Variants in ZFYVE21 observed in about 807,000 individuals in gnomAD.
ZFYVE21 encodes the protein zinc finger FYVE-type containing 21, also known as zinc finger FYVE domain-containing protein 21.
A neutral mutation model predicts 29.5 loss-of-function variants in ZFYVE21; 21 were observed. That is an observed-to-expected ratio of 0.71 (90% confidence interval 0.50 to 1.02). The LOEUF is 1.02. Ranked by LOEUF, ZFYVE21 falls within the 50% of genes least tolerant of loss-of-function variation. ZFYVE21 has a pLI of 0.00. For synonymous variants in ZFYVE21, 151 were observed against 133.8 expected (o/e 1.13, Z -0.89); for missense variants, 326 against 335.4 (o/e 0.97, Z 0.22).
At position 103,715,990 on chromosome 14, in the gene ZFYVE21, G is replaced by A. The variant is rs1353632257; in HGVS notation, c.138+11G>A. On this transcript the variant is annotated intron_variant, in intron 1 of 6. Transcript: ENST00000311141. ...GTCCCGGACAAGGAGGTGGGTGGCC[G>A]TCGCCCCGGCCAGCGCCTCCGACCC... 5.6e-6 allele frequency: 7 copies of A among 1,255,788 alleles called. No homozygotes were observed. Among genetic ancestry groups the A allele is most frequent in the Non-Finnish European group, 6.1e-6 (6 of 990,126 alleles). 77.8% of individuals were successfully genotyped at this position (1,255,788 alleles called of 1,614,324 possible).
chr14:103,722,616 G>A (rs555641508), intron 1 of ZFYVE21, among the ~76,000 whole-genome samples: 11 of 152,156 alleles, frequency 7.2e-5, no homozygotes, highest in South Asian at 4.1e-4. Flanking sequence ...TCAGGAGATC[G>A]AGATCATCCT....
chr14:103,718,011 G>T (rs932896826), intron 1 of ZFYVE21, among the ~76,000 whole-genome samples: 1 of 152,222 alleles, frequency 6.6e-6, no homozygotes, highest in African/African-American at 2.4e-5. Context: ...GGCATGTGGT[G>T]ATGCTGAAGG....
intron 1 of ZFYVE21, among the ~76,000 whole-genome samples, chr14:103,719,554 G>A (rs1309154495): frequency 1.3e-5 from 2 of 151,974 alleles, no homozygotes; most frequent in African/African-American, 4.8e-5. Context: ...GGAATTTGGA[G>A]GGCCTTGCTG....
chr14:103,726,919 G>C (rs1452206111), intron 2 of ZFYVE21, 77 bp downstream of exon 2: 4 of 1,491,342 alleles, frequency 2.7e-6, no homozygotes, highest in East Asian at 2.3e-5. Flanking sequence ...TGCCCCTTCT[G>C]GCAGGGGACG....
rs535461350 is a variant in ZFYVE21, at chr14:103,716,975, T to G, written c.138+996T>G. 3.3e-5 allele frequency among the ~76,000 whole-genome samples: 5 copies of G among 152,120 alleles called. No homozygotes were observed. In the South Asian group the frequency reaches 8.3e-4, roughly 25 times the overall value. On this transcript the variant is annotated intron_variant, in intron 1 of 6. Coordinates refer to ENST00000311141, the MANE Select transcript of ZFYVE21 (RefSeq NM_024071.4). This position sits in a 1 kb window ranked among gnomAD's most constrained non-coding sequence, Gnocchi z 4.8. ...ACTTAACACGTGTTACAGATTCGTTTAATTCCCTCAGTGATAGAACTAAGC... is the reference window on the plus strand; with the variant it reads ...ACTTAACACGTGTTACAGATTCGTTGAATTCCCTCAGTGATAGAACTAAGC...
intron 1 of ZFYVE21, among the ~76,000 whole-genome samples, chr14:103,720,488 GTTTT>G (rs2083863652): frequency 6.6e-6 from 1 of 152,170 alleles, no homozygotes; most frequent in African/African-American, 2.4e-5. Context: ...GGGGCCTGAT[GTTTT>G]TTGTCACCCC....
At chr14:103,732,395 C>CT (rs1374116954) in intron 5 of ZFYVE21, 2 of 432,834 alleles carry the variant, frequency 4.6e-6, no homozygotes, top group Non-Finnish European at 7.7e-6. Context: ...GGGCACCCGG[C>CT]TGAGTGTCTT....
Position 103,727,224 on chromosome 14 carries a change from G to T in ZFYVE21, c.189+382G>T, listed in dbSNP as rs547579110. Reference sequence around the variant, plus strand: ...GCCTCCCAAAGTGCTGGGATTACAAGTGTGAGCCACCACACCCAGCCGTTA... The same window carrying T: ...GCCTCCCAAAGTGCTGGGATTACAATTGTGAGCCACCACACCCAGCCGTTA... On this transcript the variant is annotated intron_variant, in intron 2 of 6. Transcript: ENST00000311141. The T allele has an allele frequency of 2.2e-3, 772 of 352,172 alleles. 4 individuals carry two copies. Among genetic ancestry groups the T allele is most frequent in the Non-Finnish European group, 3.5e-3 (638 of 182,238 alleles). The allele number at this position is 352,172 out of a possible 1,614,324, so 21.8% of individuals were successfully genotyped here.
At chr14:103,726,929 G>A (rs1455869014) in intron 2 of ZFYVE21, 87 bp downstream of exon 2, 24 of 1,246,812 alleles carry the variant, frequency 1.9e-5, no homozygotes, top group African/African-American at 3.3e-5. Flanking sequence ...GGCAGGGGAC[G>A]GATGTCATCT....
At chr14:103,729,707 C>A in intron 5 of ZFYVE21, 1 of 1,465,344 alleles carries the variant, frequency 6.8e-7, no homozygotes, top group South Asian at 1.2e-5. Flanking sequence ...GATGCGTGTG[C>A]CGTAACCCAT....
chr14:103,719,410 G>T (rs1192400048), intron 1 of ZFYVE21, among the ~76,000 whole-genome samples: 2 of 151,138 alleles, frequency 1.3e-5, no homozygotes, highest in Non-Finnish European at 2.9e-5. Context: ...AGCCAAGATT[G>T]TGCCACTGCA....
At chr14:103,721,303 CAGG>C (rs749217221) in intron 1 of ZFYVE21, among the ~76,000 whole-genome samples, 1 of 152,326 alleles carries the variant, frequency 6.6e-6, no homozygotes, top group Middle Eastern at 3.4e-3. Context: ...TGTAGGCAGC[CAGG>C]AGAAGTGTGT....
intron 2 of ZFYVE21, 46 bp downstream of exon 2, chr14:103,726,888 C>T: frequency 6.2e-7 from 1 of 1,607,514 alleles, no homozygotes; most frequent in Non-Finnish European, 8.5e-7. Context: ...AGGGGAGGGG[C>T]CCCAACAGGA....
chr14:103,721,748 T>C (rs1311472220), intron 1 of ZFYVE21, among the ~76,000 whole-genome samples: 1 of 152,268 alleles, frequency 6.6e-6, no homozygotes, highest in Non-Finnish European at 1.5e-5. Context: ...TGGCCCTCAC[T>C]AAACACCTTT....
intron 2 of ZFYVE21, 130 bp from the exon 3 acceptor site, chr14:103,727,616 C>T (rs1340582920): frequency 1.2e-5 from 14 of 1,194,678 alleles, no homozygotes; most frequent in Admixed American, 5.9e-5. Context: ...AGGAGGTGCG[C>T]GTGTGCAGCG....
chr14:103,728,017 G>A, intron 3 of ZFYVE21, 103 bp downstream of exon 3: 7 of 1,260,620 alleles, frequency 5.6e-6, no homozygotes, highest in Non-Finnish European at 6.5e-6. Flanking sequence ...CTTCTCTGAC[G>A]TTCTCTCGCC....
intron 3 of ZFYVE21, chr14:103,728,640 G>A (rs1377221810): frequency 4.6e-6 from 2 of 438,512 alleles, no homozygotes; most frequent in Non-Finnish European, 4.1e-6. Context: ...TGAATTCCCT[G>A]CATCGTTTGA....
At chr14:103,729,228 A>T in intron 5 of ZFYVE21, 46 bp downstream of exon 5, 1 of 1,599,162 alleles carries the variant, frequency 6.3e-7, no homozygotes, top group Non-Finnish European at 8.6e-7. Flanking sequence ...GTTTGGTGCC[A>T]TGCGTGGGTG....
intron 5 of ZFYVE21, chr14:103,731,610 G>GAA (rs201954578): frequency 6.7e-6 from 1 of 150,316 alleles, no homozygotes; most frequent in Non-Finnish European, 1.5e-5. Flanking sequence ...CTCCGTCTCG[G>GAA]AAAAAAAAAA....
Sources: allele counts gnomAD v4.1 joint callset (sites outside exome capture counted in the v4.1 genomes callset), GRCh38; gene constraint gnomAD v4.1.1; non-coding constraint Gnocchi (gnomAD v3.1); transcripts MANE v1.5; gene names NCBI Gene and HGNC (gene_info 2026-07-23, HGNC 2026-07-21).